The following GRM8 variants were observed in gnomAD, a reference collection of about 807,000 sequenced individuals.
GRM8 encodes metabotropic glutamate receptor 8.
Under a neutral mutation model 87.2 loss-of-function variants are expected in GRM8, and 47 were observed. The observed-to-expected ratio is 0.54, with a 90% CI of 0.43 to 0.69. GRM8 has a LOEUF of 0.69. GRM8 is among the 30% of genes least tolerant of loss of function. GRM8 has a pLI of 0.00. For missense variants in GRM8, 1,019 were observed against 1,139.2 expected, an observed-to-expected ratio of 0.89 and a Z score of 1.52; for synonymous variants, 396 against 404.5, an observed-to-expected ratio of 0.98 and a Z score of 0.25.
intron 7 of GRM8, among the ~76,000 whole-genome samples, chr7:126,687,929 G>A (rs891680777): frequency 6.6e-6 from 1 of 151,858 alleles, no homozygotes; most frequent in Non-Finnish European, 1.5e-5. Context: ...TATTGGTGAA[G>A]TAAGTCCATG....
intron 7 of GRM8, among the ~76,000 whole-genome samples, chr7:126,727,925 T>C (rs532768361): frequency 2.0e-5 from 3 of 152,258 alleles, no homozygotes; most frequent in Admixed American, 6.5e-5. Flanking sequence ...TATGTACACA[T>C]GAGCACAATT....
At chr7:127,007,282 C>A (rs1251758022) in intron 3 of GRM8, among the ~76,000 whole-genome samples, 1 of 151,904 alleles carries the variant, frequency 6.6e-6, no homozygotes. Flanking sequence ...TACCCCTCAC[C>A]TTTTTAAAAC....
intron 8 of GRM8, among the ~76,000 whole-genome samples, chr7:126,549,530 T>C (rs1792341777): frequency 6.6e-6 from 1 of 152,188 alleles, no homozygotes; most frequent in African/African-American, 2.4e-5. Context: ...TGAAAAGTTA[T>C]TATTTAATTT....
At chr7:126,910,502 T>C (rs1254444342) in intron 3 of GRM8, among the ~76,000 whole-genome samples, 1 of 152,100 alleles carries the variant, frequency 6.6e-6, no homozygotes, top group Non-Finnish European at 1.5e-5. Flanking sequence ...CTCCATCAAG[T>C]AGGGGAACAA....
At chr7:126,605,613 G>A (rs1035992945) in intron 8 of GRM8, among the ~76,000 whole-genome samples, 1 of 152,040 alleles carries the variant, frequency 6.6e-6, no homozygotes, top group Non-Finnish European at 1.5e-5. Flanking sequence ...TTATACTATG[G>A]TTGAATTCAG....
chr7:126,450,990 C>T (rs1308520014), intron 9 of GRM8, among the ~76,000 whole-genome samples: 1 of 151,700 alleles, frequency 6.6e-6, no homozygotes, highest in Non-Finnish European at 1.5e-5. Flanking sequence ...ATAGAAGGGC[C>T]CCATGCTTGG....
chr7:126,722,088 A>T (rs1812451420), intron 7 of GRM8, among the ~76,000 whole-genome samples: 5 of 152,120 alleles, frequency 3.3e-5, no homozygotes, highest in South Asian at 2.1e-4. Flanking sequence ...TGTTCCATCA[A>T]ATCTGCACGG....
chr7:126,892,184 G>A (rs1490638422), intron 6 of GRM8, among the ~76,000 whole-genome samples: 4 of 151,524 alleles, frequency 2.6e-5, no homozygotes, highest in Non-Finnish European at 5.9e-5. Context: ...GGGTACATGT[G>A]CACAATGTGC....
intron 3 of GRM8, among the ~76,000 whole-genome samples, chr7:127,053,798 A>AAGC (rs1554580043): frequency 9.6e-6 from 1 of 104,400 alleles, no homozygotes; most frequent in Non-Finnish European, 1.8e-5. Context: ...AAAAAAAAAA[A>AAGC]GGGGGGGGGG....
chr7:127,095,657 T>G (rs1242925631), intron 3 of GRM8: 1 of 152,248 alleles, frequency 6.6e-6, no homozygotes, highest in Non-Finnish European at 1.5e-5. Context: ...TATGCCACTG[T>G]GTACTTCCTT....
chr7:126,527,315 G>T (rs1019063734), intron 9 of GRM8, among the ~76,000 whole-genome samples: 1 of 152,104 alleles, frequency 6.6e-6, no homozygotes, highest in Non-Finnish European at 1.5e-5. Flanking sequence ...CCAAGATGGC[G>T]CCACTGCACT....
At chr7:127,206,176 G>A (rs969338306) in intron 2 of GRM8, among the ~76,000 whole-genome samples, 4 of 152,230 alleles carry the variant, frequency 2.6e-5, no homozygotes, top group Non-Finnish European at 1.5e-5. Flanking sequence ...CAGAGAGGAT[G>A]ATCAGCTCTT....
At chr7:127,172,547 A>T (rs1793871655) in intron 2 of GRM8, among the ~76,000 whole-genome samples, 1 of 152,172 alleles carries the variant, frequency 6.6e-6, no homozygotes, top group East Asian at 1.9e-4. Context: ...TGTACTAAAA[A>T]TACAAAAAAA....
intron 6 of GRM8, among the ~76,000 whole-genome samples, chr7:126,876,642 G>T (rs1030535575): frequency 6.6e-6 from 1 of 152,180 alleles, no homozygotes; most frequent in African/African-American, 2.4e-5. Flanking sequence ...AGGGCATGAG[G>T]CTAATCTATC....
chr7:127,230,792 C>G (rs76184706), intron 2 of GRM8, among the ~76,000 whole-genome samples: 5,280 of 152,100 alleles, frequency 0.035, 215 homozygotes, highest in East Asian at 0.11. Flanking sequence ...ACCCTGATCT[C>G]AGAATTCCAG....
At chr7:127,167,919 C>A (rs192009429) in intron 2 of GRM8, among the ~76,000 whole-genome samples, 52 of 152,204 alleles carry the variant, frequency 3.4e-4, no homozygotes, top group African/African-American at 1.2e-3. Flanking sequence ...AGAAGAAAAC[C>A]TAGGCAACAC....
intron 7 of GRM8, among the ~76,000 whole-genome samples, chr7:126,687,130 T>C (rs1163193337): frequency 1.3e-5 from 2 of 152,218 alleles, no homozygotes; most frequent in African/African-American, 4.8e-5. Context: ...TGCAATACGG[T>C]TGGCACATCT....
At position 127,030,493 on chromosome 7, in the gene GRM8, G is replaced by A. The variant is rs768445431; in HGVS notation, c.727+76003C>T. ...CCAAAGCCCCAATTCTAGGACTAAC[G>A]GGGGAATACCGTTGATATGTATCAG... On this transcript the variant is annotated intron_variant, in intron 3 of 10. Transcript: ENST00000339582. Among the ~76,000 whole-genome samples the A allele has an allele frequency of 9.2e-5, 14 of 152,162 alleles. No individual in the cohort carries two copies. The South Asian group carries it at 2.3e-3, about 25-fold the overall frequency.
chr7:126,862,571 CAATA>C (rs1375190009), intron 6 of GRM8, among the ~76,000 whole-genome samples: 1 of 151,970 alleles, frequency 6.6e-6, no homozygotes, highest in Non-Finnish European at 1.5e-5. Context: ...GACCTAGCTA[CAATA>C]AATATTAACT....
Sources: gnomAD v4.1 joint callset for allele counts (sites outside exome capture counted in the v4.1 genomes callset) on GRCh38, gnomAD v4.1.1 for gene constraint, MANE v1.5 for transcripts, NCBI Gene and HGNC (gene_info 2026-07-23, HGNC 2026-07-21) for gene names.